DDI2: variants seen among roughly 807,000 people sequenced by gnomAD.
The protein encoded by DDI2 is DDI proteasomal shuttling factor 2.
A neutral mutation model predicts 48.1 loss-of-function variants in DDI2; 5 were observed. The observed-to-expected ratio is 0.10, with a 90% CI of 0.05 to 0.22. The LOEUF (loss-of-function observed/expected upper bound fraction) is 0.22, where lower values mean the gene tolerates loss of function less well. DDI2 is among the 10% of genes least tolerant of loss of function. The pLI, the probability that DDI2 is intolerant of heterozygous loss-of-function variation, is 1.00. For missense variants in DDI2, 285 were observed against 506.2 expected (o/e 0.56, Z 4.19); for synonymous variants, 205 against 183.6 (o/e 1.12, Z -0.94).
At chr1:15,644,411 A>G (rs552797296) in intron 6 of DDI2, among the ~76,000 whole-genome samples, 129 of 152,182 alleles carry the variant, frequency 8.5e-4, no homozygotes, top group African/African-American at 2.9e-3. Flanking sequence ...ATTATCAGAC[A>G]TGTCTTTTTT....
intron 2 of DDI2, among the ~76,000 whole-genome samples, chr1:15,630,025 C>T (rs1253006897): frequency 6.6e-6 from 1 of 152,082 alleles, no homozygotes; most frequent in African/African-American, 2.4e-5. Flanking sequence ...AGCCACCACG[C>T]CTGGCCACTT....
intron 1 of DDI2, among the ~76,000 whole-genome samples, chr1:15,620,204 G>C (rs1332410410): frequency 6.6e-6 from 1 of 152,054 alleles, no homozygotes; most frequent in African/African-American, 2.4e-5. Context: ...GCCATAAACA[G>C]CTCCTGTTTT....
chr1:15,659,687 A>C, intron 9 of DDI2, 150 bp from the exon 10 acceptor site: 2 of 697,086 alleles, frequency 2.9e-6, no homozygotes, highest in Non-Finnish European at 4.3e-6. Context: ...ATGAGAAAGT[A>C]ATTTTAAAAT....
chr1:15,646,117 C>CT (rs1206217491), intron 6 of DDI2, among the ~76,000 whole-genome samples: 5 of 152,192 alleles, frequency 3.3e-5, no homozygotes, highest in African/African-American at 1.2e-4. Context: ...GAAAATAAGC[C>CT]TCTAGTCTGC....
chr1:15,656,941 C>T lies in DDI2; in HGVS notation c.*46+262C>T, dbSNP rs936732156. On this transcript the variant is annotated intron_variant, in intron 9 of 9. Transcript: ENST00000480945. Reference sequence around the variant, plus strand: ...TTAAAACAGTGTCTATTATATCTACCCCATCTTGGCTACTATAAATATCAC... The same window carrying T: ...TTAAAACAGTGTCTATTATATCTACTCCATCTTGGCTACTATAAATATCAC... The T allele has an allele frequency of 9.0e-6, 3 of 335,138 alleles. No individual in the cohort carries two copies. In the South Asian group the frequency reaches 1.4e-4, roughly 16 times the overall value. 20.8% of individuals were successfully genotyped at this position (335,138 alleles called of 1,614,324 possible). A position where few individuals can be genotyped will look rare whatever the true frequency, so the allele number is the denominator to read the frequency against.
intron 4 of DDI2, chr1:15,633,823 G>A: frequency 2.0e-6 from 1 of 490,792 alleles, no homozygotes. Flanking sequence ...AGCAGACAGA[G>A]CATCATAACA....
Position 15,618,657 on chromosome 1 carries a change from C to G in DDI2, c.138+849C>G, listed in dbSNP as rs747375175. Reference sequence around the variant, plus strand: ...AGAAGTTCAGCCTCTCATATTTTAACTAAGCAAAGTAATTCTCAAAATGCT... The same window carrying G: ...AGAAGTTCAGCCTCTCATATTTTAAGTAAGCAAAGTAATTCTCAAAATGCT... On this transcript the variant is annotated intron_variant, in intron 1 of 9. Transcript: ENST00000480945. Among the ~76,000 whole-genome samples the G allele has an allele frequency of 7.2e-5, 11 of 152,222 alleles. 1 individual carries two copies. Among genetic ancestry groups the G allele is most frequent in the Non-Finnish European group, 1.2e-4 (8 of 68,042 alleles).
intron 1 of DDI2, among the ~76,000 whole-genome samples, chr1:15,618,874 T>C (rs1232705546): frequency 1.3e-5 from 2 of 152,248 alleles, no homozygotes; most frequent in African/African-American, 4.8e-5. Flanking sequence ...TGAAATAGTT[T>C]ACAAAACGAT....
intron 4 of DDI2, among the ~76,000 whole-genome samples, chr1:15,636,247 G>A (rs1639924967): frequency 6.6e-6 from 1 of 152,024 alleles, no homozygotes; most frequent in South Asian, 2.1e-4. Context: ...TCCCCCATCA[G>A]CCTCCTGAGT....
intron 6 of DDI2, among the ~76,000 whole-genome samples, chr1:15,648,802 G>A (rs1415778238): frequency 1.6e-5 from 2 of 125,604 alleles, no homozygotes; most frequent in African/African-American, 6.4e-5. Context: ...AGGAGTTTGA[G>A]ACCAGCCTGG....
intron 4 of DDI2, chr1:15,633,958 T>C: frequency 2.6e-6 from 1 of 381,310 alleles, no homozygotes; most frequent in Non-Finnish European, 5.2e-6. Context: ...AAGTCCTGAT[T>C]AAATCCAGGG....
Position 15,664,541 on chromosome 1 carries a change from T to A in DDI2, c.*4751T>A, listed in dbSNP as rs1344095296. 1 of 152,092 alleles carries A rather than the reference T, an allele frequency of 6.6e-6. No homozygotes were observed. The highest frequency in any genetic ancestry group is 1.5e-5 in the Non-Finnish European group (1 of 68,012). The allele number at this position is 152,092 out of a possible 1,614,324, so 9.4% of individuals were successfully genotyped here. ...TTAAGGAGCATTACAATAGTGAACCTTCATCGTCAGCTTTTATTCAATTAA... is the reference window on the plus strand; with the variant it reads ...TTAAGGAGCATTACAATAGTGAACCATCATCGTCAGCTTTTATTCAATTAA... On this transcript the variant is annotated 3_prime_UTR_variant, in exon 10 of 10. Transcript: ENST00000480945.
intron 1 of DDI2, among the ~76,000 whole-genome samples, chr1:15,619,835 A>C (rs904507277): frequency 8.1e-4 from 123 of 152,250 alleles, no homozygotes; most frequent in African/African-American, 2.8e-3. Flanking sequence ...ATAAGAAATT[A>C]AAATGTAAAT....
rs79099290 is a variant in DDI2, at chr1:15,653,217, A to G, written c.1183+1322A>G. On this transcript the variant is annotated intron_variant, in intron 8 of 9. Coordinates refer to ENST00000480945, the MANE Select transcript of DDI2 (RefSeq NM_032341.5). The stretch of plus-strand genomic sequence containing the variant: ...AAGCAGATGTTAACTTTTGAGTCCA[A>G]CAGTATTTCCCTATTTCTTTCCTTT... Among the ~76,000 whole-genome samples, 1,039 of 152,088 alleles carry G rather than the reference A, an allele frequency of 6.8e-3. 12 individuals carry two copies. The highest frequency in any genetic ancestry group is 0.024 in the African/African-American group (978 of 41,536).
intron 7 of DDI2, 126 bp from the exon 8 acceptor site, chr1:15,651,580 A>G (rs1418660468): frequency 3.6e-6 from 3 of 841,070 alleles, no homozygotes; most frequent in Non-Finnish European, 5.2e-6. Flanking sequence ...CAGCCTCCCA[A>G]AGTGCTGGGA....
At chr1:15,626,625 A>G in intron 1 of DDI2, 44 bp from the exon 2 acceptor site, 1 of 1,611,178 alleles carries the variant, frequency 6.2e-7, no homozygotes, top group Non-Finnish European at 8.5e-7. Context: ...GCGCTGTGTT[A>G]CTTCTCAGTG....
chr1:15,637,159 A>T (rs1320610504), intron 4 of DDI2, among the ~76,000 whole-genome samples: 2 of 152,216 alleles, frequency 1.3e-5, no homozygotes, highest in Non-Finnish European at 2.9e-5. Flanking sequence ...AGTAAGCAAG[A>T]ACTCCCTTTT....
At chr1:15,638,977 T>TA (rs1639967544) in intron 5 of DDI2, among the ~76,000 whole-genome samples, 1 of 152,128 alleles carries the variant, frequency 6.6e-6, no homozygotes, top group African/African-American at 2.4e-5. Flanking sequence ...GATGTTTCTG[T>TA]AAAAAACTGG....
chr1:15,634,052 A>G (rs940049525), intron 4 of DDI2: 1 of 270,182 alleles, frequency 3.7e-6, no homozygotes, highest in African/African-American at 2.3e-5. Context: ...CATTTCTTGT[A>G]CTGGCCTCAG....
Sources: gnomAD v4.1 joint callset for allele counts (sites outside exome capture counted in the v4.1 genomes callset) on GRCh38, gnomAD v4.1.1 for gene constraint, MANE v1.5 for transcripts, NCBI Gene and HGNC (gene_info 2026-07-23, HGNC 2026-07-21) for gene names.